FRMD6: variants seen among roughly 807,000 people sequenced by gnomAD.
FRMD6 encodes the protein FERM domain-containing protein 6.
In FRMD6, 37 loss-of-function variants were observed where a neutral mutation model predicts 73.2. That is an observed-to-expected ratio of 0.51 (90% confidence interval 0.39 to 0.66). The LOEUF (loss-of-function observed/expected upper bound fraction) is 0.66. Among genes scored for constraint, FRMD6 ranks in the 30% least tolerant of loss-of-function variants. FRMD6 has a pLI of 0.00. For synonymous variants in FRMD6, 273 were observed against 282.2 expected (o/e 0.97, Z 0.33); for missense variants, 714 against 780.5 (o/e 0.91, Z 1.02).
At chr14:51,585,868 G>A (rs1888998048) in intron 2 of FRMD6, among the ~76,000 whole-genome samples, 1 of 147,092 alleles carries the variant, frequency 6.8e-6, no homozygotes, top group Non-Finnish European at 1.5e-5. Context: ...TTCCATCCAT[G>A]TTGCTGCAAA....
chr14:51,624,181 A>T (rs1320272446), intron 2 of FRMD6, among the ~76,000 whole-genome samples: 1 of 152,172 alleles, frequency 6.6e-6, no homozygotes, highest in African/African-American at 2.4e-5. Flanking sequence ...AGGATCAGTA[A>T]AAATAATTAA....
intron 1 of FRMD6, among the ~76,000 whole-genome samples, chr14:51,508,179 C>T (rs1277751338): frequency 3.3e-5 from 5 of 152,068 alleles, no homozygotes; most frequent in East Asian, 1.9e-4. Context: ...CCACCTCTCC[C>T]GCTGGGTGAC....
chr14:51,630,352 A>G (rs901113843), intron 2 of FRMD6, among the ~76,000 whole-genome samples: 1 of 152,158 alleles, frequency 6.6e-6, no homozygotes, highest in Non-Finnish European at 1.5e-5. Flanking sequence ...CAAATTGCAT[A>G]ATGTTACACA....
the FRMD6 span, among the ~76,000 whole-genome samples, chr14:51,456,471 G>A: frequency 6.6e-6 from 1 of 152,146 alleles, no homozygotes; most frequent in South Asian, 2.1e-4. Context: ...TCCCTGCAAA[G>A]GACATGAACT....
chr14:51,611,090 A>G (rs1476592113), intron 2 of FRMD6, among the ~76,000 whole-genome samples: 1 of 152,190 alleles, frequency 6.6e-6, no homozygotes, highest in Non-Finnish European at 1.5e-5. Flanking sequence ...TGATACAGGA[A>G]AACCAGGCTT....
At chr14:51,469,286 T>C in the FRMD6 span, among the ~76,000 whole-genome samples, 9 of 151,010 alleles carry the variant, frequency 6.0e-5, no homozygotes, top group African/African-American at 2.2e-4. Flanking sequence ...TTATTTTTTA[T>C]TGTTAAATCA....
At chr14:51,609,292 G>A (rs7153647) in intron 2 of FRMD6, among the ~76,000 whole-genome samples, 6,946 of 152,166 alleles carry the variant, frequency 0.046, 187 homozygotes, top group African/African-American at 0.074. Context: ...CAATATTATC[G>A]TTGTCTGTTA....
chr14:51,511,111 C>G (rs895763030), intron 1 of FRMD6, among the ~76,000 whole-genome samples: 14 of 152,104 alleles, frequency 9.2e-5, no homozygotes, highest in African/African-American at 3.1e-4. Context: ...AGCCTACTCC[C>G]CAGTGGCTAT....
chr14:51,460,713 G>T, the FRMD6 span, among the ~76,000 whole-genome samples: 13,182 of 152,196 alleles, frequency 0.087, 788 homozygotes, highest in Admixed American at 0.2. Context: ...CAAGTGATAT[G>T]TTTCCTGTAC....
intron 2 of FRMD6, among the ~76,000 whole-genome samples, chr14:51,638,407 G>A (rs1891666843): frequency 6.6e-6 from 1 of 152,194 alleles, no homozygotes; most frequent in African/African-American, 2.4e-5. Context: ...GAGACTGGGA[G>A]CCTCCAGATG....
the FRMD6 span, among the ~76,000 whole-genome samples, chr14:51,410,022 T>A: frequency 2.0e-5 from 3 of 152,236 alleles, no homozygotes; most frequent in African/African-American, 7.2e-5. Context: ...AAGAGAGAAT[T>A]ATTACTCAGT....
the FRMD6 span, among the ~76,000 whole-genome samples, chr14:51,407,729 A>G: frequency 6.6e-6 from 1 of 152,086 alleles, no homozygotes; most frequent in African/African-American, 2.4e-5. Flanking sequence ...TGACCTATAA[A>G]TAATTTAGAA....
At chr14:51,653,640 G>C (rs1416145404) in intron 1 of FRMD6, among the ~76,000 whole-genome samples, 54 of 152,152 alleles carry the variant, frequency 3.5e-4, no homozygotes, top group Admixed American at 3.5e-3. Flanking sequence ...GAGAAGACCA[G>C]AAGAGAGGCA....
the FRMD6 span, among the ~76,000 whole-genome samples, chr14:51,404,066 C>T: frequency 6.6e-6 from 1 of 152,162 alleles, no homozygotes; most frequent in Non-Finnish European, 1.5e-5. Context: ...ACATGTTATA[C>T]ATGTCATCAC....
At chr14:51,543,137 A>G (rs1886289721) in intron 1 of FRMD6, among the ~76,000 whole-genome samples, 1 of 152,030 alleles carries the variant, frequency 6.6e-6, no homozygotes, top group South Asian at 2.1e-4. Context: ...AAAGGCACCC[A>G]AGTTGATTAT....
intron 2 of FRMD6, among the ~76,000 whole-genome samples, chr14:51,696,754 A>T (rs984070218): frequency 3.4e-5 from 5 of 148,930 alleles, no homozygotes; most frequent in Non-Finnish European, 3.0e-5. Flanking sequence ...GTCTCTACAA[A>T]AAAAAAAAAA....
the FRMD6 span, among the ~76,000 whole-genome samples, chr14:51,471,026 C>A: frequency 6.6e-6 from 1 of 152,096 alleles, no homozygotes; most frequent in Non-Finnish European, 1.5e-5. Flanking sequence ...ATTGTGCATA[C>A]CTTCAGTATT....
At chr14:51,705,407 C>A (rs1320875995) in intron 6 of FRMD6, among the ~76,000 whole-genome samples, 1 of 152,080 alleles carries the variant, frequency 6.6e-6, no homozygotes, top group Non-Finnish European at 1.5e-5. Context: ...GTGGGTTATT[C>A]CAACGTGAAC....
chr14:51,683,061 A>C (rs917830997), intron 1 of FRMD6, among the ~76,000 whole-genome samples: 1 of 152,230 alleles, frequency 6.6e-6, no homozygotes, highest in Non-Finnish European at 1.5e-5. Context: ...CTTTCAGTAC[A>C]TAAAATTTCA....
Sources: allele counts gnomAD v4.1 joint callset (sites outside exome capture counted in the v4.1 genomes callset), GRCh38; gene constraint gnomAD v4.1.1; transcripts MANE v1.5; gene names NCBI Gene and HGNC (gene_info 2026-07-23, HGNC 2026-07-21).